HDAC4: variants seen among roughly 807,000 people sequenced by gnomAD.
HDAC4 encodes histone deacetylase A.
In HDAC4, 16 loss-of-function variants were observed where a neutral mutation model predicts 135.1. The observed-to-expected ratio is 0.12, with a 90% CI of 0.08 to 0.18. The LOEUF is 0.18. HDAC4 is among the 10% of genes least tolerant of loss of function. The pLI is 1.00. For missense variants in HDAC4, 1,143 were observed against 1,511.8 expected (o/e 0.76, Z 4.05); for synonymous variants, 685 against 653.4 (o/e 1.05, Z -0.74).
intron 3 of HDAC4, among the ~76,000 whole-genome samples, chr2:239,200,655 C>T (rs2045699584): frequency 1.3e-5 from 2 of 152,156 alleles, no homozygotes; most frequent in African/African-American, 4.8e-5. Flanking sequence ...CTTTGTATTG[C>T]TTTCCATTGA....
At chr2:239,348,989 A>G (rs1346098077) in intron 2 of HDAC4, among the ~76,000 whole-genome samples, 1 of 152,238 alleles carries the variant, frequency 6.6e-6, no homozygotes, top group Non-Finnish European at 1.5e-5. Context: ...CACACACTGC[A>G]CTAGAAGGGC....
At chr2:239,377,402 G>A (rs1695087622) in intron 1 of HDAC4, among the ~76,000 whole-genome samples, 1 of 152,214 alleles carries the variant, frequency 6.6e-6, no homozygotes, top group African/African-American at 2.4e-5. Context: ...GCCTGCTCCA[G>A]GCTGCAACAC....
At chr2:239,126,202 G>A (rs1290372083) in intron 12 of HDAC4, among the ~76,000 whole-genome samples, 1 of 152,232 alleles carries the variant, frequency 6.6e-6, no homozygotes, top group Non-Finnish European at 1.5e-5. Flanking sequence ...GGGCTGGTGG[G>A]AGAGGGCACT....
chr2:239,116,915 T>C (rs1022435694), intron 12 of HDAC4, among the ~76,000 whole-genome samples: 1 of 152,330 alleles, frequency 6.6e-6, no homozygotes, highest in East Asian at 1.9e-4. Flanking sequence ...GATAGGGCAA[T>C]GTGCCCTCCT....
intron 22 of HDAC4, among the ~76,000 whole-genome samples, chr2:239,080,642 TGGGA>T (rs1559385387): frequency 6.6e-6 from 1 of 152,056 alleles, no homozygotes; most frequent in Non-Finnish European, 1.5e-5. Flanking sequence ...ACGAAGGAAA[TGGGA>T]GGGAGGGCGA....
chr2:239,391,811 C>T (rs1460880222), intron 1 of HDAC4, among the ~76,000 whole-genome samples: 4 of 152,324 alleles, frequency 2.6e-5, no homozygotes, highest in East Asian at 3.9e-4. Flanking sequence ...GAGAAGGATA[C>T]GTGAAACAAG....
In HDAC4 at chr2:239,148,989, G is replaced by C. The variant is rs548266276; in HGVS notation, c.734-4275C>G. On this transcript the variant is annotated intron_variant, in intron 7 of 26. Transcript: ENST00000543185. ...TCCAGGTGGACTCTGGTTCTGCTGT[G>C]AACGTGACACACGCTGTAATAACGC... 9.2e-5 allele frequency among the ~76,000 whole-genome samples: 14 copies of C among 152,360 alleles called. No homozygotes were observed. The South Asian group carries it at 2.7e-3, about 29-fold the overall frequency.
intron 2 of HDAC4, among the ~76,000 whole-genome samples, chr2:239,318,415 A>T (rs546676885): frequency 4.6e-5 from 7 of 152,332 alleles, no homozygotes; most frequent in Admixed American, 4.6e-4. Context: ...AATGACGAGG[A>T]GACTGTCCCG....
chr2:239,253,266 G>A (rs556185414), intron 2 of HDAC4, among the ~76,000 whole-genome samples: 3 of 152,270 alleles, frequency 2.0e-5, no homozygotes, highest in South Asian at 2.1e-4. Context: ...TGCAGCTTTC[G>A]TAATCTAAAG....
intron 1 of HDAC4, among the ~76,000 whole-genome samples, chr2:239,397,650 G>A (rs1294439948): frequency 6.6e-6 from 1 of 152,184 alleles, no homozygotes; most frequent in Non-Finnish European, 1.5e-5. Context: ...CAGGCACCAT[G>A]GCCCTCATGC....
chr2:239,398,868 T>C (rs1696742943), intron 1 of HDAC4, among the ~76,000 whole-genome samples: 1 of 152,218 alleles, frequency 6.6e-6, no homozygotes, highest in Non-Finnish European at 1.5e-5. Context: ...CAGCTCCCCT[T>C]GCAGGAGAAA....
At chr2:239,156,949 C>T (rs2042462056) in intron 6 of HDAC4, among the ~76,000 whole-genome samples, 176 bp from the exon 7 acceptor site, 1 of 152,194 alleles carries the variant, frequency 6.6e-6, no homozygotes, top group African/African-American at 2.4e-5. Context: ...GGATGCTAAA[C>T]AAGCAAGCAA....
rs147714184 is a variant in HDAC4, at chr2:239,373,578, C to T, written c.-219-20660G>A. Among the ~76,000 whole-genome samples the T allele has an allele frequency of 6.6e-3, 1,006 of 152,198 alleles. 15 individuals are homozygous for T. The highest frequency in any genetic ancestry group is 0.023 in the African/African-American group (955 of 41,512). ...TCCCAGGTTCAAGCGATTCTCTCAC[C>T]TCAGCCTCCCAAGTAGCTGGGATTA... On this transcript the variant is annotated intron_variant, in intron 1 of 26. Transcript: ENST00000543185.
rs547017855 is a variant in HDAC4, at chr2:239,245,157, G to C, written c.23-8493C>G. On this transcript the variant is annotated intron_variant, in intron 2 of 26. Transcript: ENST00000543185. This position sits in a 1 kb window ranked among gnomAD's most constrained non-coding sequence, Gnocchi z 4.4. ...AATATTTTTCCTTCAGGGTAATCAG[G>C]CAGTCTTAAAATGTCAAGGATAACC... Among the ~76,000 whole-genome samples the C allele has an allele frequency of 6.6e-6, 1 of 152,266 alleles. No homozygotes were observed. Among genetic ancestry groups the C allele is most frequent in the South Asian group, 2.1e-4 (1 of 4,816 alleles).
In HDAC4 at chr2:239,098,548, C is replaced by T. The variant is rs1009561516; in HGVS notation, c.2234-3492G>A. On this transcript the variant is annotated intron_variant, in intron 16 of 26. Coordinates refer to ENST00000543185, the MANE Select transcript of HDAC4 (RefSeq NM_001378414.1). ...CTGCCAGCTGACATGAGCAGATGAG[C>T]CACGTGACTTTCAGTGACGCCTAGG... Among the ~76,000 whole-genome samples, 10 of 152,380 alleles carry T rather than the reference C, an allele frequency of 6.6e-5. 1 individual carries two copies. In the Middle Eastern group the frequency reaches 0.01, roughly 155 times the overall value.
intron 16 of HDAC4, chr2:239,102,513 C>T (rs2037758479): frequency 2.1e-6 from 1 of 478,234 alleles, no homozygotes. Flanking sequence ...TAATCAGCCT[C>T]TCAAACCTAA....
At chr2:239,073,176 A>T (rs1352690651) in intron 22 of HDAC4, among the ~76,000 whole-genome samples, 1 of 152,194 alleles carries the variant, frequency 6.6e-6, no homozygotes, top group Non-Finnish European at 1.5e-5. Flanking sequence ...CTTAGATGGG[A>T]GTCACAGGAG....
At position 239,400,032 on chromosome 2, in the gene HDAC4, T is replaced by C. The variant is rs1393115918; in HGVS notation, c.-220+946A>G. 6.6e-6 allele frequency among the ~76,000 whole-genome samples: 1 copy of C among 152,054 alleles called. No homozygotes were observed. Among genetic ancestry groups the C allele is most frequent in the Non-Finnish European group, 1.5e-5 (1 of 67,994 alleles). On this transcript the variant is annotated intron_variant, in intron 1 of 26. Coordinates refer to ENST00000543185, the MANE Select transcript of HDAC4 (RefSeq NM_001378414.1). This position sits in a 1 kb window ranked among gnomAD's most constrained non-coding sequence, Gnocchi z 4.7. ...TACGCACGGTCTCCTCCTATAACAG[T>C]GTCAAATAATTCAACGCTCAATGTA...
At chr2:239,300,112 C>T (rs1462899576) in intron 2 of HDAC4, among the ~76,000 whole-genome samples, 2 of 152,178 alleles carry the variant, frequency 1.3e-5, no homozygotes, top group East Asian at 1.9e-4. Flanking sequence ...TCCTCAACAA[C>T]CTTGGGAAGG....
Sources: allele counts gnomAD v4.1 joint callset (sites outside exome capture counted in the v4.1 genomes callset), GRCh38; gene constraint gnomAD v4.1.1; non-coding constraint Gnocchi (gnomAD v3.1); transcripts MANE v1.5; gene names NCBI Gene and HGNC (gene_info 2026-07-23, HGNC 2026-07-21).